KLHL30: variants seen among roughly 807,000 people sequenced by gnomAD.
KLHL30 encodes kelch-like protein 30.
In KLHL30, 55 loss-of-function variants were observed where a neutral mutation model predicts 55.0. That is an observed-to-expected ratio of 1.00 (90% confidence interval 0.80 to 1.25). The LOEUF (loss-of-function observed/expected upper bound fraction) is 1.25. KLHL30 is among the 50% of genes most tolerant of loss of function. The pLI is 0.00. For synonymous variants in KLHL30, 356 were observed against 372.6 expected (o/e 0.96, Z 0.51); for missense variants, 786 against 811.6 (o/e 0.97, Z 0.38).
intron 6 of KLHL30, 22 bp from the exon 7 acceptor site, chr2:238,148,985 C>T: frequency 6.4e-7 from 1 of 1,567,676 alleles, no homozygotes. Flanking sequence ...GTGACGGTGG[C>T]CAGTGCCCGT....
Position 238,150,843 on chromosome 2 carries a change from T to C in KLHL30, c.1515T>C (p.Asn505=), listed in dbSNP as rs7605194. Residue 505 remains asparagine, a synonymous_variant, in exon 8 of 8, where the codon AAT becomes AAC. Coordinates refer to ENST00000409223, the MANE Select transcript of KLHL30 (RefSeq NM_198582.4). The part of the protein sequence containing the change: ...KVQSQHSLHE[N]GALVPLGDAL... Reference sequence around the variant, plus strand: ...AGTCACAGCACAGCCTGCATGAGAATGGCGCGCTGGTGCCACTGGGTGATG... The same window carrying C: ...AGTCACAGCACAGCCTGCATGAGAACGGCGCGCTGGTGCCACTGGGTGATG... The C allele has an allele frequency of 0.75, 1,193,941 of 1,588,610 alleles. 452,372 individuals carry two copies. Among genetic ancestry groups the C allele is most frequent in the African/African-American group, 0.94 (70,289 of 74,538 alleles).
At chr2:238,148,105 T>G (rs11674655) in intron 6 of KLHL30, 83 bp downstream of exon 6, 526,103 of 1,262,882 alleles carry the variant, frequency 0.42, 111,476 homozygotes, top group African/African-American at 0.55. Flanking sequence ...TGGTGAGGAT[T>G]GGGGCTCCTG....
chr2:238,152,494 A>G lies in KLHL30; in HGVS notation c.*1429A>G, dbSNP rs1161662276. On this transcript the variant is annotated 3_prime_UTR_variant, in exon 8 of 8. Transcript: ENST00000409223. ...AGAGATTCTCCTGCCTTAGCCTCTC[A>G]AGTAGCTGGGATTACAGGCACTCGC... 6.6e-6 allele frequency: 1 copy of G among 150,678 alleles called. No homozygotes were observed. Among genetic ancestry groups the G allele is most frequent in the Non-Finnish European group, 1.5e-5 (1 of 68,152 alleles). The allele number at this position is 150,678 out of a possible 1,614,324, so 9.3% of individuals were successfully genotyped here.
rs566386723 is a variant in KLHL30, at chr2:238,142,885, G to A, written c.861G>A (p.Glu287=). 1.1e-5 allele frequency: 16 copies of A among 1,487,588 alleles called. No homozygotes were observed. The Admixed American group carries it at 2.8e-4, about 26-fold the overall frequency. The allele number at this position is 1,487,588 out of a possible 1,614,324, so 92.1% of individuals were successfully genotyped here. The change falls in exon 3 of 8, where the codon GAG becomes GAA. Residue 287 remains glutamate, a synonymous_variant. Transcript: ENST00000409223. ...TGGAGGAGGAGGAGGCAGGTGAGGA[G>A]CCCACCCCCGGCCTTGGGAACTTTG... ...QALEEEEAGE[E]PTPGLGNFAF...
At position 238,149,063 on chromosome 2, in the gene KLHL30, T is replaced by G; in HGVS notation, c.1396T>G (p.Cys466Gly). 6.2e-7 allele frequency: 1 copy of G among 1,613,292 alleles called. No individual in the cohort carries two copies. The highest frequency in any genetic ancestry group is 2.2e-5 in the East Asian group (1 of 44,888). Residue 466 changes from cysteine to glycine, a missense_variant, in exon 7 of 8, where the codon TGT becomes GGT. Transcript: ENST00000409223. ...FLPKYLSSPR[C>G]AALHGELYLI... ...GCCCAAGTACCTGTCCTCGCCTCGC[T>G]GTGCTGCACTGCACGGGGAGCTCTA...
intron 3 of KLHL30, among the ~76,000 whole-genome samples, chr2:238,144,180 A>C (rs1356697204): frequency 6.6e-6 from 1 of 152,208 alleles, no homozygotes. Flanking sequence ...TCAGCTGAGC[A>C]GTTCTGTGAA....
At position 238,139,565 on chromosome 2, in the gene KLHL30, G is replaced by A. The variant is rs1229896701; in HGVS notation, c.-71+807G>A. Among the ~76,000 whole-genome samples the A allele has an allele frequency of 4.7e-4, 71 of 152,326 alleles. 1 individual carries two copies. The highest frequency in any genetic ancestry group is 5.9e-5 in the Non-Finnish European group (4 of 68,012). The stretch of plus-strand genomic sequence containing the variant: ...TCTGGGGTCAAGAGGTGGCACCGGG[G>A]TCGGGAAGTCGGGGAGCCCTAGCTC... On this transcript the variant is annotated intron_variant, in intron 1 of 7. Coordinates refer to ENST00000409223, the MANE Select transcript of KLHL30 (RefSeq NM_198582.4).
chr2:238,150,694 G>A (rs1692737528), intron 7 of KLHL30, 120 bp from the exon 8 acceptor site: 1 of 1,173,678 alleles, frequency 8.5e-7, no homozygotes, highest in Admixed American at 2.2e-5. Context: ...ATGCCCTGGA[G>A]GGGATCTGGG....
In KLHL30 at chr2:238,151,158, G is replaced by A. The variant is rs936024876; in HGVS notation, c.*93G>A. ...TTCATTTTCGCTTATTTGTTCACTC[G>A]GAGCTACCATTCCTTCCAAGCTGCG... On this transcript the variant is annotated 3_prime_UTR_variant, in exon 8 of 8. Coordinates refer to ENST00000409223, the MANE Select transcript of KLHL30 (RefSeq NM_198582.4). 39 of 1,468,994 alleles carry A rather than the reference G, an allele frequency of 2.7e-5. No individual in the cohort carries two copies. The highest frequency in any genetic ancestry group is 2.9e-5 in the Non-Finnish European group (32 of 1,095,738). The allele number at this position is 1,468,994 out of a possible 1,614,324, so 91.0% of individuals were successfully genotyped here. A position where few individuals can be genotyped will look rare whatever the true frequency, so the allele number is the denominator to read the frequency against.
rs190050788 is a variant in KLHL30, at chr2:238,150,602, G to C, written c.1486-212G>C. On this transcript the variant is annotated intron_variant, in intron 7 of 7. Transcript: ENST00000409223. ...GTCATCCCAAGGGCTGAGGGTCAGA[G>C]AGGGAAAGGGACCTCCCCACCAAAA... Among the ~76,000 whole-genome samples, 716 of 152,278 alleles carry C rather than the reference G, an allele frequency of 4.7e-3. 5 individuals are homozygous for C. The highest frequency in any genetic ancestry group is 0.016 in the African/African-American group (662 of 41,560).
At chr2:238,146,942 G>C (rs11676783) in intron 5 of KLHL30, among the ~76,000 whole-genome samples, 16,004 of 149,976 alleles carry the variant, frequency 0.11, 1,511 homozygotes, top group African/African-American at 0.25. Context: ...GGAGGCAGAG[G>C]TTGCAGTGAG....
intron 7 of KLHL30, among the ~76,000 whole-genome samples, 171 bp from the exon 8 acceptor site, chr2:238,150,643 G>T (rs1692736874): frequency 6.6e-6 from 1 of 152,214 alleles, no homozygotes; most frequent in African/African-American, 2.4e-5. Flanking sequence ...GTCTGAGGAG[G>T]CTGGAGGGGC....
At chr2:238,139,684 C>T (rs1360927038) in intron 1 of KLHL30, among the ~76,000 whole-genome samples, 7 of 152,196 alleles carry the variant, frequency 4.6e-5, no homozygotes, top group Admixed American at 2.0e-4. Flanking sequence ...CCATGCGTGG[C>T]GTTCCCACGC....
chr2:238,143,654 T>A (rs930115758), intron 3 of KLHL30, among the ~76,000 whole-genome samples: 5 of 152,104 alleles, frequency 3.3e-5, no homozygotes, highest in Non-Finnish European at 5.9e-5. Flanking sequence ...TCGCCAACCA[T>A]CTCCTTGGCG....
chr2:238,148,339 C>T (rs1387555758), intron 6 of KLHL30, among the ~76,000 whole-genome samples: 1 of 152,192 alleles, frequency 6.6e-6, no homozygotes, highest in Non-Finnish European at 1.5e-5. Flanking sequence ...CTGAGCCCAG[C>T]ACCTGGCAGC....
rs754721566 is a variant in KLHL30, at chr2:238,140,904, C to T, written c.150C>T (p.Leu50=). 2 of 1,610,936 alleles carry T rather than the reference C, an allele frequency of 1.2e-6. No individual in the cohort carries two copies. The highest frequency in any genetic ancestry group is 3.3e-5 in the Admixed American group (2 of 59,966). ...GGGAGCTGCCATGCCACCGCGGCCT[C>T]CTGGCGCTCAGCAGCCCCTACTTCC... ...GGRELPCHRG[L]LALSSPYFHA... The change falls in exon 2 of 8, where the codon CTC becomes CTT. Residue 50 remains leucine, a synonymous_variant. Coordinates refer to ENST00000409223, the MANE Select transcript of KLHL30 (RefSeq NM_198582.4).
At position 238,140,834 on chromosome 2, in the gene KLHL30, G is replaced by C; in HGVS notation, c.80G>C (p.Arg27Pro). ...QDMLDGLQRLRSQPKLADVTL... is the reference protein window; with the variant it reads ...QDMLDGLQRLPSQPKLADVTL... ...ATGCTGGATGGCCTGCAGCGCCTGC[G>C]CTCTCAGCCCAAGCTGGCCGACGTC... Residue 27 changes from arginine (R) to proline (P), a missense_variant, in exon 2 of 8, where the codon CGC (arginine) becomes CCC (proline). Coordinates refer to ENST00000409223, the MANE Select transcript of KLHL30 (RefSeq NM_198582.4). 6.2e-7 allele frequency: 1 copy of C among 1,608,646 alleles called. No individual in the cohort carries two copies. Among genetic ancestry groups the C allele is most frequent in the Non-Finnish European group, 8.5e-7 (1 of 1,176,882 alleles).
At chr2:238,145,557 C>A in intron 4 of KLHL30, 120 bp from the exon 5 acceptor site, 2 of 1,187,832 alleles carry the variant, frequency 1.7e-6, no homozygotes, top group East Asian at 2.6e-5. Context: ...CCACCTCTGG[C>A]TCACCACGTT....
rs1266023829 is a variant in KLHL30 at position 238,141,064 on chromosome 2, G to A, written c.310G>A (p.Glu104Lys). Residue 104 changes from glutamate (E) to lysine (K), a missense_variant, in exon 2 of 8, where the codon GAG (glutamate) becomes AAG (lysine). By Grantham distance (56) the Glu-to-Lys change is moderately conservative (BLOSUM62 1). Coordinates refer to ENST00000409223, the MANE Select transcript of KLHL30 (RefSeq NM_198582.4). ...GRLTITQGNV[E>K]ALTRTAARLH... ...GCTGACCATCACGCAGGGCAACGTG[G>A]AGGCGCTGACACGCACGGCTGCGCG... 1 of 1,611,040 alleles carries A rather than the reference G, an allele frequency of 6.2e-7. No individual in the cohort carries two copies. The highest frequency in any genetic ancestry group is 8.5e-7 in the Non-Finnish European group (1 of 1,178,652).
Sources: gnomAD v4.1 joint callset for allele counts (sites outside exome capture counted in the v4.1 genomes callset) on GRCh38, gnomAD v4.1.1 for gene constraint, MANE v1.5 for transcripts, NCBI Gene and HGNC (gene_info 2026-07-23, HGNC 2026-07-21) for gene names.